Variants in TRPM3 observed in about 807,000 individuals in gnomAD.
TRPM3 encodes the protein long transient receptor potential channel 3.
TRPM3 carries 77 observed loss-of-function variants against 181.2 expected under a neutral mutation model. The ratio of observed to expected loss-of-function variants is 0.42; its 90% CI spans 0.35 to 0.51. TRPM3 has a LOEUF of 0.51. Ranked by LOEUF, TRPM3 falls within the 20% of genes least tolerant of loss-of-function variation. The pLI is 0.01. For synonymous variants in TRPM3, 745 were observed against 796.4 expected, an observed-to-expected ratio of 0.94 and a Z score of 1.09; for missense variants, 1,759 against 2,196.7, an observed-to-expected ratio of 0.80 and a Z score of 3.98.
chr9:70,942,895 T>C (rs528584194), intron 1 of TRPM3, among the ~76,000 whole-genome samples: 2 of 152,266 alleles, frequency 1.3e-5, no homozygotes, highest in East Asian at 1.9e-4. Context: ...GTGATTCTGA[T>C]ACCCACCAAA....
At chr9:71,048,255 CAAT>C (rs1315756528) in intron 1 of TRPM3, among the ~76,000 whole-genome samples, 1 of 152,156 alleles carries the variant, frequency 6.6e-6, no homozygotes, top group Non-Finnish European at 1.5e-5. Flanking sequence ...AACAAGTACT[CAAT>C]ATATCTGTTA....
At chr9:70,752,682 T>C (rs1056967500) in intron 8 of TRPM3, among the ~76,000 whole-genome samples, 2 of 152,226 alleles carry the variant, frequency 1.3e-5, no homozygotes, top group South Asian at 2.1e-4. Flanking sequence ...GATACACAAA[T>C]ACCTAACATT....
chr9:71,384,991 G>A (rs2092893242), intron 1 of TRPM3, among the ~76,000 whole-genome samples: 1 of 152,090 alleles, frequency 6.6e-6, no homozygotes, highest in Non-Finnish European at 1.5e-5. Context: ...ATATAACCAA[G>A]AAATTAGAAA....
Position 70,781,707 on chromosome 9 carries a change from C to A in TRPM3, c.1148+2398G>T, listed in dbSNP as rs191424764. On this transcript the variant is annotated intron_variant, in intron 7 of 25. Coordinates refer to ENST00000677713, the MANE Select transcript of TRPM3 (RefSeq NM_001366145.2). ...TTGGGCTGTGTGGCTTTGGACAAAG[C>A]GCTTAATTTAAATAATCTTAATTTA... Among the ~76,000 whole-genome samples the A allele has an allele frequency of 1.3e-5, 2 of 151,980 alleles. 1 individual carries two copies. Among genetic ancestry groups the A allele is most frequent in the South Asian group, 4.2e-4 (2 of 4,808 alleles).
In TRPM3 at chr9:70,863,082, A is replaced by G; in HGVS notation, c.288T>C (p.His96=). The G allele has an allele frequency of 6.2e-7, 1 of 1,613,492 alleles. No homozygotes were observed. Residue 96 remains histidine, a synonymous_variant, in exon 3 of 26, where the codon CAT becomes CAC. Coordinates refer to ENST00000677713, the MANE Select transcript of TRPM3 (RefSeq NM_001366145.2). ...CGGAGATACTGGGGGTGAGGCCAAC[A>G]TGCTGGCCTATCAGACGCCCACAGC... ...RCCCGRLIGQ[H]VGLTPSISVL...
intron 1 of TRPM3, among the ~76,000 whole-genome samples, chr9:71,112,176 T>C (rs912942636): frequency 6.6e-6 from 1 of 152,214 alleles, no homozygotes; most frequent in Non-Finnish European, 1.5e-5. Flanking sequence ...GTACAGTTTT[T>C]CTTCTAACAG....
intron 1 of TRPM3, among the ~76,000 whole-genome samples, chr9:71,065,371 C>G (rs2061796444): frequency 6.6e-6 from 1 of 152,108 alleles, no homozygotes; most frequent in Admixed American, 6.6e-5. Flanking sequence ...ATTAAGCATA[C>G]AAGAACAAAA....
intron 1 of TRPM3, among the ~76,000 whole-genome samples, chr9:70,928,999 C>T (rs548793459): frequency 2.7e-4 from 41 of 152,340 alleles, no homozygotes; most frequent in African/African-American, 9.9e-4. Flanking sequence ...CTGCCAGCTA[C>T]TGTCTTCCTC....
At chr9:70,956,492 T>C (rs773224738) in intron 1 of TRPM3, among the ~76,000 whole-genome samples, 2 of 152,114 alleles carry the variant, frequency 1.3e-5, no homozygotes, top group Non-Finnish European at 2.9e-5. Flanking sequence ...TATTAAAACT[T>C]ACTGTTGACT....
intron 1 of TRPM3, among the ~76,000 whole-genome samples, chr9:71,176,779 G>T (rs572598180): frequency 2.0e-5 from 3 of 152,128 alleles, no homozygotes; most frequent in African/African-American, 7.2e-5. Context: ...GAGTTTTACT[G>T]TGTATTTTCC....
At chr9:71,160,944 C>G (rs1464716154) in intron 1 of TRPM3, among the ~76,000 whole-genome samples, 1 of 152,074 alleles carries the variant, frequency 6.6e-6, no homozygotes, top group Non-Finnish European at 1.5e-5. Context: ...GATAATAATA[C>G]TTAACTCCTC....
At chr9:70,919,233 C>T (rs2096631061) in intron 1 of TRPM3, among the ~76,000 whole-genome samples, 3 of 152,284 alleles carry the variant, frequency 2.0e-5, no homozygotes, top group Middle Eastern at 3.4e-3. Context: ...TCAAGGCTCT[C>T]CTCTGTCACC....
chr9:70,979,262 G>A (rs551047490), intron 1 of TRPM3, among the ~76,000 whole-genome samples: 118 of 152,260 alleles, frequency 7.7e-4, no homozygotes, highest in African/African-American at 2.1e-3. Context: ...GACATGGGGC[G>A]CGGAGATTTC....
intron 9 of TRPM3, among the ~76,000 whole-genome samples, chr9:70,655,305 C>CAAAAAAAAAAAAA (rs1169901529): frequency 7.8e-4 from 26 of 33,150 alleles, no homozygotes; most frequent in South Asian, 2.1e-3. Flanking sequence ...GACTCCGTCT[C>CAAAAAAAAAAAAA]AAAAAAAAAA....
intron 6 of TRPM3, among the ~76,000 whole-genome samples, chr9:70,815,344 G>A (rs2092596208): frequency 6.6e-6 from 1 of 151,998 alleles, no homozygotes; most frequent in Non-Finnish European, 1.5e-5. Context: ...AAACAATATT[G>A]TGGTAAATAT....
At chr9:70,955,622 C>T (rs991326554) in intron 1 of TRPM3, among the ~76,000 whole-genome samples, 11 of 152,142 alleles carry the variant, frequency 7.2e-5, no homozygotes, top group African/African-American at 2.4e-4. Flanking sequence ...TCAAGGAAAG[C>T]GCTAGAACTA....
At chr9:70,814,927 T>C (rs565848784) in intron 6 of TRPM3, among the ~76,000 whole-genome samples, 15 of 151,916 alleles carry the variant, frequency 9.9e-5, no homozygotes, top group East Asian at 9.7e-4. Flanking sequence ...TTTTCTTTCT[T>C]TTTTCGTTAT....
chr9:70,931,247 G>T (rs2096772601), intron 1 of TRPM3, among the ~76,000 whole-genome samples: 1 of 152,028 alleles, frequency 6.6e-6, no homozygotes, highest in African/African-American at 2.4e-5. Flanking sequence ...GAATAACTTG[G>T]AATGTATAAT....
intron 1 of TRPM3, among the ~76,000 whole-genome samples, chr9:70,980,952 G>A (rs1417050116): frequency 6.6e-6 from 1 of 152,158 alleles, no homozygotes; most frequent in African/African-American, 2.4e-5. Context: ...GGAATTGAAA[G>A]CAATTCCGAT....
Sources: allele counts gnomAD v4.1 joint callset (sites outside exome capture counted in the v4.1 genomes callset), GRCh38; gene constraint gnomAD v4.1.1; transcripts MANE v1.5; gene names NCBI Gene and HGNC (gene_info 2026-07-23, HGNC 2026-07-21).